KCNQ1OT1: variants seen among roughly 807,000 people sequenced by gnomAD.
KCNQ1OT1 encodes the protein KCNQ1 opposite strand/antisense transcript 1, also known as KCNQ1 antisense RNA 2 (non-protein coding).
At chr11:2,650,452 G>A in exon 1 of KCNQ1OT1, 2 of 398,546 alleles carry the variant, frequency 5.0e-6, no homozygotes, top group South Asian at 2.6e-4. Context: ...ATTTGGGTAG[G>A]GTGCTTTGGC....
exon 1 of KCNQ1OT1, chr11:2,684,501 C>T (rs1314486118): frequency 5.0e-6 from 2 of 398,540 alleles, no homozygotes; most frequent in African/African-American, 4.1e-5. Context: ...TCCTTCTATT[C>T]CTCCTATTCC....
In KCNQ1OT1 at chr11:2,627,819, C is replaced by T; in HGVS notation, n.72176G>A. 1 of 398,414 alleles carries T rather than the reference C, an allele frequency of 2.5e-6. No individual in the cohort carries two copies. The highest frequency in any genetic ancestry group is 4.4e-6 in the Non-Finnish European group (1 of 226,084). 24.7% of individuals were successfully genotyped at this position (398,414 alleles called of 1,614,324 possible). Reference sequence around the variant, plus strand: ...AGGCAGGAGTACAGTGGCACAATCACAGTTCACTGTAGCCTCAACCTCATG... The same window carrying T: ...AGGCAGGAGTACAGTGGCACAATCATAGTTCACTGTAGCCTCAACCTCATG... On this transcript the variant is annotated non_coding_transcript_exon_variant, in exon 1 of 1. Coordinates refer to ENST00000597346, the Ensembl canonical transcript of KCNQ1OT1. The surrounding 1 kb of genome is among the most constrained non-coding windows in gnomAD (Gnocchi z 4.9).
At chr11:2,640,717 A>C (rs1849561383) in exon 1 of KCNQ1OT1, 1 of 398,310 alleles carries the variant, frequency 2.5e-6, no homozygotes, top group Non-Finnish European at 4.4e-6. Context: ...TTTTATTTTG[A>C]AATATACATT....
chr11:2,646,676 C>T (rs1004016617), exon 1 of KCNQ1OT1: 3 of 398,440 alleles, frequency 7.5e-6, no homozygotes, highest in Admixed American at 4.4e-5. Context: ...AGGTGCAGGC[C>T]ACCACGCCCA....
chr11:2,692,074 C>T (rs898585464), exon 1 of KCNQ1OT1: 19 of 398,676 alleles, frequency 4.8e-5, no homozygotes, highest in Non-Finnish European at 7.5e-5. Context: ...GACCCACATT[C>T]CAGTCACCTG....
At chr11:2,610,753 G>A (rs1354876547) in exon 1 of KCNQ1OT1, 1 of 172,316 alleles carries the variant, frequency 5.8e-6, no homozygotes, top group Non-Finnish European at 9.5e-6. Context: ...TTTACTTTGA[G>A]CACTTGGGAT....
exon 1 of KCNQ1OT1, chr11:2,644,706 A>G (rs77048839): frequency 0.013 from 5,108 of 398,424 alleles, 157 homozygotes; most frequent in East Asian, 0.079. Flanking sequence ...TTCCTAAGAG[A>G]GTCTTGTTCC....
chr11:2,683,960 C>G lies in KCNQ1OT1; in HGVS notation n.16035G>C. On this transcript the variant is annotated non_coding_transcript_exon_variant, in exon 1 of 1. Coordinates refer to ENST00000597346, the Ensembl canonical transcript of KCNQ1OT1. The surrounding 1 kb of genome is among the most constrained non-coding windows in gnomAD (Gnocchi z 4.7). ...AGACAAAACCAGCTGACTGCTTTTA[C>G]TTTTTTTTTTTTTTCATTTAGAAGA... 1 of 386,908 alleles carries G rather than the reference C, an allele frequency of 2.6e-6. No homozygotes were observed. The highest frequency in any genetic ancestry group is 4.5e-6 in the Non-Finnish European group (1 of 221,128). 24.0% of individuals were successfully genotyped at this position (386,908 alleles called of 1,614,324 possible).
In KCNQ1OT1 at chr11:2,652,930, C is replaced by T. The variant is rs1224846104; in HGVS notation, n.47065G>A. 118 of 398,644 alleles carry T rather than the reference C, an allele frequency of 3.0e-4. No homozygotes were observed. In the East Asian group the frequency reaches 4.1e-3, roughly 14 times the overall value. The allele number at this position is 398,644 out of a possible 1,614,324, so 24.7% of individuals were successfully genotyped here. A position where few individuals can be genotyped will look rare whatever the true frequency, so the allele number is the denominator to read the frequency against. On this transcript the variant is annotated non_coding_transcript_exon_variant, in exon 1 of 1. Transcript: ENST00000597346. The surrounding 1 kb of genome is among the most constrained non-coding windows in gnomAD (Gnocchi z 5.9). ...ATCCTAAACTTAGGTTTTGGAAAGC[C>T]CAGCATCCTCCCTGGGACTTCTCAG...
At chr11:2,697,024 A>G (rs1224005902) in exon 1 of KCNQ1OT1, 6 of 398,370 alleles carry the variant, frequency 1.5e-5, no homozygotes, top group Non-Finnish European at 2.7e-5. Flanking sequence ...GGGATTCCAG[A>G]GAGCCCCCCA....
Position 2,668,785 on chromosome 11 carries a change from A to C in KCNQ1OT1, n.31210T>G. 1 of 398,560 alleles carries C rather than the reference A, an allele frequency of 2.5e-6. No homozygotes were observed. The highest frequency in any genetic ancestry group is 3.6e-5 in the East Asian group (1 of 28,080). The allele number at this position is 398,560 out of a possible 1,614,324, so 24.7% of individuals were successfully genotyped here. A position where few individuals can be genotyped will look rare whatever the true frequency, so the allele number is the denominator to read the frequency against. On this transcript the variant is annotated non_coding_transcript_exon_variant, in exon 1 of 1. Transcript: ENST00000597346. The surrounding 1 kb of genome is among the most constrained non-coding windows in gnomAD (Gnocchi z 4.3). ...CTCTCTTGATGGTGTCTTTTGATGAACAGAAGGTCTTAATTTTCATGTGGT... is the reference window on the plus strand; with the variant it reads ...CTCTCTTGATGGTGTCTTTTGATGACCAGAAGGTCTTAATTTTCATGTGGT...
At chr11:2,699,084 A>G (rs1850726412) in exon 1 of KCNQ1OT1, 1 of 398,418 alleles carries the variant, frequency 2.5e-6, no homozygotes, top group Non-Finnish European at 4.4e-6. Flanking sequence ...TGGATTCCCA[A>G]CTTCCATCCC....
rs924632880 is a variant in KCNQ1OT1 at position 2,673,148 on chromosome 11, T to A, written n.26847A>T. The A allele has an allele frequency of 2.5e-6, 1 of 398,598 alleles. No homozygotes were observed. Among genetic ancestry groups the A allele is most frequent in the African/African-American group, 2.1e-5 (1 of 48,612 alleles). The allele number at this position is 398,598 out of a possible 1,614,324, so 24.7% of individuals were successfully genotyped here. On this transcript the variant is annotated non_coding_transcript_exon_variant, in exon 1 of 1. Coordinates refer to ENST00000597346, the Ensembl canonical transcript of KCNQ1OT1. The surrounding 1 kb of genome is among the most constrained non-coding windows in gnomAD (Gnocchi z 4.5). Reference sequence around the variant, plus strand: ...TCAGGGCAGGGGTGCTGACCATCCCTGACCCAAGCACGAGGATCAGAATGG... The same window carrying A: ...TCAGGGCAGGGGTGCTGACCATCCCAGACCCAAGCACGAGGATCAGAATGG...
chr11:2,670,543 T>C lies in KCNQ1OT1; in HGVS notation n.29452A>G. 3 of 397,556 alleles carry C rather than the reference T, an allele frequency of 7.5e-6. No individual in the cohort carries two copies. The highest frequency in any genetic ancestry group is 1.3e-5 in the Non-Finnish European group (3 of 225,852). The allele number at this position is 397,556 out of a possible 1,614,324, so 24.6% of individuals were successfully genotyped here. On this transcript the variant is annotated non_coding_transcript_exon_variant, in exon 1 of 1. Coordinates refer to ENST00000597346, the Ensembl canonical transcript of KCNQ1OT1. This position sits in a 1 kb window ranked among gnomAD's most constrained non-coding sequence, Gnocchi z 4.9. Reference sequence around the variant, plus strand: ...GGGGAAATTGAAGCCTCAAGAAGGATAGGGACTTGCCAGTATCACTGGGAG... The same window carrying C: ...GGGGAAATTGAAGCCTCAAGAAGGACAGGGACTTGCCAGTATCACTGGGAG...
chr11:2,676,425 T>C lies in KCNQ1OT1; in HGVS notation n.23570A>G, dbSNP rs1850295631. Reference sequence around the variant, plus strand: ...GAGATTTAGCCCAATGGGCTGGGCTTTTCCCAGATAGGACATGCTCACTGT... The same window carrying C: ...GAGATTTAGCCCAATGGGCTGGGCTCTTCCCAGATAGGACATGCTCACTGT... On this transcript the variant is annotated non_coding_transcript_exon_variant, in exon 1 of 1. Transcript: ENST00000597346. The surrounding 1 kb of genome is among the most constrained non-coding windows in gnomAD (Gnocchi z 4.2). The C allele has an allele frequency of 2.5e-6, 1 of 398,538 alleles. No individual in the cohort carries two copies. Among genetic ancestry groups the C allele is most frequent in the South Asian group, 1.3e-4 (1 of 7,868 alleles). 24.7% of individuals were successfully genotyped at this position (398,538 alleles called of 1,614,324 possible). A position where few individuals can be genotyped will look rare whatever the true frequency, so the allele number is the denominator to read the frequency against.
chr11:2,643,564 G>A (rs1849613372), exon 1 of KCNQ1OT1: 1 of 398,444 alleles, frequency 2.5e-6, no homozygotes. Flanking sequence ...TGCGTTTCTT[G>A]TAGATAGCAT....
chr11:2,641,449 C>T (rs1849575755), exon 1 of KCNQ1OT1: 1 of 397,756 alleles, frequency 2.5e-6, no homozygotes, highest in South Asian at 1.3e-4. Flanking sequence ...TGAGAAATAT[C>T]TATCCATGTC....
At position 2,651,331 on chromosome 11, in the gene KCNQ1OT1, A is replaced by G. The variant is rs572457938; in HGVS notation, n.48664T>C. 2.5e-6 allele frequency: 1 copy of G among 398,766 alleles called. No homozygotes were observed. Among genetic ancestry groups the G allele is most frequent in the Non-Finnish European group, 4.4e-6 (1 of 226,144 alleles). 24.7% of individuals were successfully genotyped at this position (398,766 alleles called of 1,614,324 possible). On this transcript the variant is annotated non_coding_transcript_exon_variant, in exon 1 of 1. Coordinates refer to ENST00000597346, the Ensembl canonical transcript of KCNQ1OT1. The surrounding 1 kb of genome is among the most constrained non-coding windows in gnomAD (Gnocchi z 6.1). ...TGCACAGAACACTCCTCAGAGTTCTACAAGCGGCTGAGAGAGCTGGGGTAT... is the reference window on the plus strand; with the variant it reads ...TGCACAGAACACTCCTCAGAGTTCTGCAAGCGGCTGAGAGAGCTGGGGTAT...
Position 2,645,216 on chromosome 11 carries a change from C to T in KCNQ1OT1, n.54779G>A. The stretch of plus-strand genomic sequence containing the variant: ...TAAGCTGGATGAGCTTGTCCCAAGG[C>T]CCACAGGTGGCAAATTCAAGTGAAT... On this transcript the variant is annotated non_coding_transcript_exon_variant, in exon 1 of 1. Transcript: ENST00000597346. The surrounding 1 kb of genome is among the most constrained non-coding windows in gnomAD (Gnocchi z 5.8). 1 of 398,588 alleles carries T rather than the reference C, an allele frequency of 2.5e-6. No individual in the cohort carries two copies. The highest frequency in any genetic ancestry group is 4.4e-6 in the Non-Finnish European group (1 of 226,132). The allele number at this position is 398,588 out of a possible 1,614,324, so 24.7% of individuals were successfully genotyped here. A position where few individuals can be genotyped will look rare whatever the true frequency, so the allele number is the denominator to read the frequency against.
Sources: allele counts gnomAD v4.1 joint callset, GRCh38; gene constraint gnomAD v4.1.1; non-coding constraint Gnocchi (gnomAD v3.1); transcripts MANE v1.5; gene names NCBI Gene and HGNC (gene_info 2026-07-23, HGNC 2026-07-21).